Variants in ATAT1 observed in about 807,000 individuals in gnomAD.
ATAT1 encodes the protein alpha-tubulin N-acetyltransferase 1.
Under a neutral mutation model 57.2 loss-of-function variants are expected in ATAT1, and 42 were observed. That is an observed-to-expected ratio of 0.73 (90% CI 0.57 to 0.95). The LOEUF is 0.95. Among genes scored for constraint, ATAT1 ranks in the 40% least tolerant of loss-of-function variants. The pLI, the probability that ATAT1 is intolerant of heterozygous loss-of-function variation, is 0.00. For synonymous variants in ATAT1, 168 were observed against 187.1 expected (o/e 0.90, Z 0.83); for missense variants, 454 against 523.7 (o/e 0.87, Z 1.30).
intron 10 of ATAT1, 108 bp downstream of exon 10, chr6:30,643,119 G>C: frequency 6.6e-7 from 1 of 1,512,536 alleles, no homozygotes. Flanking sequence ...AAGATGGGTG[G>C]CTTGGGGGGG....
At chr6:30,637,020 C>T (rs553593512) in intron 6 of ATAT1, among the ~76,000 whole-genome samples, 1 of 152,056 alleles carries the variant, frequency 6.6e-6, no homozygotes, top group Non-Finnish European at 1.5e-5. Flanking sequence ...CCAGACGTCT[C>T]GAACTTCTGA....
chr6:30,632,968 A>G (rs1301486218), intron 6 of ATAT1, among the ~76,000 whole-genome samples: 1 of 152,024 alleles, frequency 6.6e-6, no homozygotes, highest in Non-Finnish European at 1.5e-5. Flanking sequence ...GGAAACGGCA[A>G]TAAGGGAGCC....
chr6:30,640,828 A>G (rs1025960481), intron 8 of ATAT1: 20 of 593,760 alleles, frequency 3.4e-5, no homozygotes, highest in Middle Eastern at 4.5e-4. Flanking sequence ...TTGACAGCTG[A>G]TATCAATGGA....
In ATAT1 at chr6:30,646,735, ATT is replaced by A; in HGVS notation, c.*93_*94del. 1 of 1,386,626 alleles carries A rather than the reference ATT, an allele frequency of 7.2e-7. No individual in the cohort carries two copies. Among genetic ancestry groups the A allele is most frequent in the South Asian group, 1.6e-5 (1 of 61,034 alleles). 85.9% of individuals were successfully genotyped at this position (1,386,626 alleles called of 1,614,324 possible). A position where few individuals can be genotyped will look rare whatever the true frequency, so the allele number is the denominator to read the frequency against. ...ACCCTCATAATAGATGGATACATTC[ATT>A]CATTCATTCATTCAGCAGGCTTATC... On this transcript the variant is annotated 3_prime_UTR_variant, in exon 13 of 13. Transcript: ENST00000330083.
chr6:30,644,522 C>T, intron 10 of ATAT1: 1 of 985,806 alleles, frequency 1.0e-6, no homozygotes, highest in Non-Finnish European at 1.2e-6. Flanking sequence ...AGATCAGGTG[C>T]CCCACTGTGT....
intron 6 of ATAT1, among the ~76,000 whole-genome samples, chr6:30,636,447 G>C (rs779228626): frequency 6.6e-6 from 1 of 152,010 alleles, no homozygotes; most frequent in South Asian, 2.1e-4. Flanking sequence ...TTAGCTGGGC[G>C]TGGTGGCAGG....
chr6:30,638,573 G>A (rs967935009), intron 6 of ATAT1, among the ~76,000 whole-genome samples: 4 of 150,316 alleles, frequency 2.7e-5, no homozygotes, highest in African/African-American at 7.3e-5. Context: ...CCTGGCCCCC[G>A]AGTTTTTTTT....
At chr6:30,639,970 AC>A (rs1765059898) in intron 6 of ATAT1, among the ~76,000 whole-genome samples, 1 of 151,864 alleles carries the variant, frequency 6.6e-6, no homozygotes, top group African/African-American at 2.4e-5. Context: ...CCCCATCTCT[AC>A]AAAAAGTTAA....
chr6:30,634,691 T>TA (rs1318815753), intron 6 of ATAT1, among the ~76,000 whole-genome samples: 1,739 of 128,120 alleles, frequency 0.014, 18 homozygotes, highest in African/African-American at 0.025. Context: ...AAACCTTGTT[T>TA]AAAAAAAAAA....
rs1761863985 is a variant in ATAT1 at position 30,627,227 on chromosome 6, C to T, written c.24C>T (p.Cys8=). 6.2e-7 allele frequency: 1 copy of T among 1,613,868 alleles called. No individual in the cohort carries two copies. The highest frequency in any genetic ancestry group is 8.5e-7 in the Non-Finnish European group (1 of 1,179,898). Residue 8 remains cysteine (C), a synonymous_variant, in exon 1 of 13, where the codon TGC becomes TGT. Transcript: ENST00000330083. The stretch of plus-strand genomic sequence containing the variant: ...GGATGTGGTTGACCTGGCCTTTCTG[C>T]TTCCTCACAATAACCTTAAGGGAGG...
intron 10 of ATAT1, chr6:30,644,142 A>T (rs532628307): frequency 1.0e-6 from 1 of 985,994 alleles, no homozygotes; most frequent in Admixed American, 6.1e-5. Context: ...ACCATTGCCA[A>T]ACTCTTCATT....
chr6:30,642,357 C>A (rs1765636560), intron 9 of ATAT1, 110 bp downstream of exon 9: 4 of 1,485,274 alleles, frequency 2.7e-6, no homozygotes, highest in Admixed American at 1.9e-5. Flanking sequence ...ACTCAGATTT[C>A]TTGGGCTGGG....
chr6:30,643,062 T>A, intron 10 of ATAT1, 51 bp downstream of exon 10: 2 of 1,547,464 alleles, frequency 1.3e-6, no homozygotes, highest in South Asian at 2.4e-5. Context: ...AAGAGGATGT[T>A]AGAAATGGCA....
rs1262818896 is a variant in ATAT1, at chr6:30,641,106, T to TACACACACACACACACACACACACAC, written c.616+504_616+505insCACACACACACACACACACACACACA. Among the ~76,000 whole-genome samples the TACACACACACACACACACACACACAC allele has an allele frequency of 8.5e-5, 12 of 140,942 alleles. No homozygotes were observed. In the East Asian group the frequency reaches 1.8e-3, roughly 21 times the overall value. 92.5% of individuals were successfully genotyped at this position (140,942 alleles called of 152,430 possible). ...AATGCTGTCCAGATTCCCCATCCCA[T>TACACACACACACACACACACACACAC]ATACACACATACACACACACACACA... On this transcript the variant is annotated intron_variant, in intron 8 of 12. Coordinates refer to ENST00000330083, the MANE Select transcript of ATAT1 (RefSeq NM_001031722.4).
chr6:30,636,518 G>A (rs1013760439), intron 6 of ATAT1, among the ~76,000 whole-genome samples: 2 of 152,110 alleles, frequency 1.3e-5, no homozygotes, highest in African/African-American at 2.4e-5. Context: ...CCCAGGAGGC[G>A]GAGCTTGCAG....
intron 9 of ATAT1, 50 bp downstream of exon 9, chr6:30,642,297 G>A: frequency 6.2e-7 from 1 of 1,610,756 alleles, no homozygotes; most frequent in Non-Finnish European, 8.5e-7. Flanking sequence ...CTTAACACAA[G>A]GGAAGAGAAT....
intron 10 of ATAT1, chr6:30,643,735 C>G: frequency 1.4e-6 from 2 of 1,401,110 alleles, no homozygotes; most frequent in South Asian, 1.6e-5. Flanking sequence ...CTCAAACTGC[C>G]TAACACTTTG....
At chr6:30,645,475 A>T (rs1193830658) in intron 10 of ATAT1, among the ~76,000 whole-genome samples, 6 of 152,060 alleles carry the variant, frequency 3.9e-5, no homozygotes, top group Non-Finnish European at 1.5e-5. Flanking sequence ...TGGCCTCCCA[A>T]AGTGCTGGGA....
chr6:30,646,697 G>A lies in ATAT1; in HGVS notation c.*54G>A. 3 of 1,475,088 alleles carry A rather than the reference G, an allele frequency of 2.0e-6. No individual in the cohort carries two copies. Among genetic ancestry groups the A allele is most frequent in the African/African-American group, 2.8e-5 (2 of 71,322 alleles). The allele number at this position is 1,475,088 out of a possible 1,614,324, so 91.4% of individuals were successfully genotyped here. A position where few individuals can be genotyped will look rare whatever the true frequency, so the allele number is the denominator to read the frequency against. On this transcript the variant is annotated 3_prime_UTR_variant, in exon 13 of 13. Coordinates refer to ENST00000330083, the MANE Select transcript of ATAT1 (RefSeq NM_001031722.4). The stretch of plus-strand genomic sequence containing the variant: ...ATTATTTCTCCCTCACTACAGGAAA[G>A]AGCCAAAGCCCAACCCTCATAATAG...
Sources: allele counts gnomAD v4.1 joint callset (sites outside exome capture counted in the v4.1 genomes callset), GRCh38; gene constraint gnomAD v4.1.1; transcripts MANE v1.5; gene names NCBI Gene and HGNC (gene_info 2026-07-23, HGNC 2026-07-21).